NEU2: variants seen among roughly 807,000 people sequenced by gnomAD.
The protein encoded by NEU2 is sialidase-2.
NEU2 carries 7 observed loss-of-function variants against 6.3 expected under a neutral mutation model. The ratio of observed to expected loss-of-function variants is 1.12; its 90% CI spans 0.63 to 2.10. The LOEUF (loss-of-function observed/expected upper bound fraction) is 2.10. Ranked by LOEUF, NEU2 falls within the 30% of genes most tolerant of loss-of-function variation. The pLI is 0.00. For missense variants in NEU2, 509 were observed against 504.0 expected, an observed-to-expected ratio of 1.01 and a Z score of -0.09; for synonymous variants, 208 against 223.3, an observed-to-expected ratio of 0.93 and a Z score of 0.61.
In NEU2 at chr2:233,034,887, G is replaced by A; in HGVS notation, c.973G>A (p.Val325Ile). 1 of 1,614,064 alleles carries A rather than the reference G, an allele frequency of 6.2e-7. No individual in the cohort carries two copies. The highest frequency in any genetic ancestry group is 8.5e-7 in the Non-Finnish European group (1 of 1,179,978). ...PPAPEAWSEP[V>I]LLAKGSCAYS... Reference sequence around the variant, plus strand: ...AGCCCCTGAGGCCTGGTCAGAGCCGGTACTGCTGGCCAAGGGCAGCTGTGC... The same window carrying A: ...AGCCCCTGAGGCCTGGTCAGAGCCGATACTGCTGGCCAAGGGCAGCTGTGC... The change falls in exon 2 of 2, where the codon GTA becomes ATA. Residue 325 changes from valine (V) to isoleucine (I), a missense_variant. Physicochemically the swap from Val to Ile is conservative, Grantham distance 29. Transcript: ENST00000233840. The surrounding 1 kb of genome is among the most constrained non-coding windows in gnomAD (Gnocchi z 4.8).
rs751249956 is a variant in NEU2 at position 233,034,140 on chromosome 2, C to G, written c.226C>G (p.Gln76Glu). 3.7e-6 allele frequency: 6 copies of G among 1,612,752 alleles called. No homozygotes were observed. The highest frequency in any genetic ancestry group is 5.1e-6 in the Non-Finnish European group (6 of 1,179,332). Residue 76 changes from glutamine (Q) to glutamate (E), a missense_variant, in exon 2 of 2, where the codon CAG (glutamine) becomes GAG (glutamate). Physicochemically the swap from Gln to Glu is conservative, Grantham distance 29. Coordinates refer to ENST00000233840, the MANE Select transcript of NEU2 (RefSeq NM_005383.2). The surrounding 1 kb of genome is among the most constrained non-coding windows in gnomAD (Gnocchi z 4.8). The part of the protein sequence containing the change: ...VQWQAQEVVA[Q>E]ARLDGHRSMN... ...GTGGCAAGCTCAGGAGGTGGTGGCC[C>G]AGGCCCGGCTGGATGGCCACCGGTC...
At position 233,034,870 on chromosome 2, in the gene NEU2, A is replaced by C; in HGVS notation, c.956A>C (p.Glu319Ala). ...CTCAACCCGCGACCTCCAGCCCCTG[A>C]GGCCTGGTCAGAGCCGGTACTGCTG... ...AYLNPRPPAP[E>A]AWSEPVLLAK... Residue 319 changes from glutamate (E) to alanine (A), a missense_variant, in exon 2 of 2, where the codon GAG becomes GCG. Glu to Ala is a moderately radical substitution (Grantham distance 107). Coordinates refer to ENST00000233840, the MANE Select transcript of NEU2 (RefSeq NM_005383.2). The surrounding 1 kb of genome is among the most constrained non-coding windows in gnomAD (Gnocchi z 4.8). The C allele has an allele frequency of 1.2e-6, 2 of 1,613,034 alleles. No individual in the cohort carries two copies. Among genetic ancestry groups the C allele is most frequent in the Non-Finnish European group, 1.7e-6 (2 of 1,179,422 alleles).
Position 233,034,808 on chromosome 2 carries a change from C to T in NEU2, c.894C>T (p.Pro298=). 6.3e-7 allele frequency: 1 copy of T among 1,582,120 alleles called. No homozygotes were observed. The highest frequency in any genetic ancestry group is 8.6e-7 in the Non-Finnish European group (1 of 1,163,170). The part of the protein sequence containing the change: ...SPAQWLLYTH[P]THSWQRADLG... ...CCCAGTGGCTGCTCTACACTCACCCCACACACTCCTGGCAGAGGGCCGACC... is the reference window on the plus strand; with the variant it reads ...CCCAGTGGCTGCTCTACACTCACCCTACACACTCCTGGCAGAGGGCCGACC... Residue 298 remains proline, a synonymous_variant, in exon 2 of 2, where the codon CCC becomes CCT. Coordinates refer to ENST00000233840, the MANE Select transcript of NEU2 (RefSeq NM_005383.2). The surrounding 1 kb of genome is among the most constrained non-coding windows in gnomAD (Gnocchi z 4.8).
At position 233,034,218 on chromosome 2, in the gene NEU2, T is replaced by G. The variant is rs766753956; in HGVS notation, c.304T>G (p.Phe102Val). The stretch of plus-strand genomic sequence containing the variant: ...GCAGACGGGGACCCTCTTCCTCTTC[T>G]TCATTGCCATCCCTGGGCAAGTCAC... The part of the protein sequence containing the change: ...DAQTGTLFLF[F>V]IAIPGQVTEQ... The change falls in exon 2 of 2, where the codon TTC becomes GTC. Residue 102 changes from phenylalanine (F) to valine (V), a missense_variant. Physicochemically the swap from Phe to Val is conservative, Grantham distance 50 (BLOSUM62 -1). Transcript: ENST00000233840. The surrounding 1 kb of genome is among the most constrained non-coding windows in gnomAD (Gnocchi z 4.8). 126 of 1,614,056 alleles carry G rather than the reference T, an allele frequency of 7.8e-5. No homozygotes were observed. The highest frequency in any genetic ancestry group is 1.0e-4 in the Non-Finnish European group (123 of 1,180,044).
chr2:233,034,514 T>C lies in NEU2; in HGVS notation c.600T>C (p.His200=), dbSNP rs773205054. The change falls in exon 2 of 2, where the codon CAT becomes CAC. Residue 200 remains histidine, a synonymous_variant. Coordinates refer to ENST00000233840, the MANE Select transcript of NEU2 (RefSeq NM_005383.2). This position sits in a 1 kb window ranked among gnomAD's most constrained non-coding sequence, Gnocchi z 4.8. ...CCTCTGCCTTCTGCTTCCTCAGCCA[T>C]GACCATGGGCGCACGTGGGCGCGAG... ...PIPSAFCFLS[H]DHGRTWARGH... The C allele has an allele frequency of 5.0e-6, 8 of 1,614,068 alleles. No homozygotes were observed. Among genetic ancestry groups the C allele is most frequent in the Non-Finnish European group, 6.8e-6 (8 of 1,179,950 alleles).
intron 1 of NEU2, 141 bp downstream of exon 1, chr2:233,033,013 C>A: frequency 3.3e-6 from 3 of 919,408 alleles, no homozygotes; most frequent in Non-Finnish European, 4.8e-6. Context: ...AGAGATAGAG[C>A]AGAGAAAGTG....
chr2:233,033,162 G>A (rs1007925119), intron 1 of NEU2, among the ~76,000 whole-genome samples: 3 of 152,212 alleles, frequency 2.0e-5, no homozygotes, highest in Non-Finnish European at 4.4e-5. Flanking sequence ...GCATAATGGA[G>A]GGTTGTGTCC....
rs113887175 is a variant in NEU2, at chr2:233,034,369, G to A, written c.455G>A (p.Arg152Gln). The A allele has an allele frequency of 1.4e-4, 230 of 1,614,006 alleles. No individual in the cohort carries two copies. In the African/African-American group the frequency reaches 1.9e-3, roughly 13 times the overall value. ...GATGCGGCCATCGGCCCAGCCTACCGGGAGTGGTCCACCTTTGCAGTGGGC... is the reference window on the plus strand; with the variant it reads ...GATGCGGCCATCGGCCCAGCCTACCAGGAGTGGTCCACCTTTGCAGTGGGC... ...LTDAAIGPAY[R>Q]EWSTFAVGPG... Residue 152 changes from arginine (R) to glutamine (Q), a missense_variant, in exon 2 of 2, where the codon CGG becomes CAG. Transcript: ENST00000233840. The surrounding 1 kb of genome is among the most constrained non-coding windows in gnomAD (Gnocchi z 4.8).
Position 233,034,381 on chromosome 2 carries a change from C to T in NEU2, c.467C>T (p.Thr156Ile), listed in dbSNP as rs1223616662. The part of the protein sequence containing the change: ...AIGPAYREWS[T>I]FAVGPGHCLQ... The stretch of plus-strand genomic sequence containing the variant: ...GGCCCAGCCTACCGGGAGTGGTCCA[C>T]CTTTGCAGTGGGCCCGGGGCATTGT... The change falls in exon 2 of 2, where the codon ACC becomes ATC. Residue 156 changes from threonine (T) to isoleucine (I), a missense_variant. Coordinates refer to ENST00000233840, the MANE Select transcript of NEU2 (RefSeq NM_005383.2). The surrounding 1 kb of genome is among the most constrained non-coding windows in gnomAD (Gnocchi z 4.8). 4 of 1,613,770 alleles carry T rather than the reference C, an allele frequency of 2.5e-6. No individual in the cohort carries two copies. The East Asian group carries it at 8.9e-5, about 36-fold the overall frequency.
intron 1 of NEU2, among the ~76,000 whole-genome samples, chr2:233,033,435 C>T (rs1041158741): frequency 2.0e-5 from 3 of 152,212 alleles, no homozygotes; most frequent in African/African-American, 4.8e-5. Flanking sequence ...TCCTCCCTGT[C>T]GCGGTCTCTT....
Position 233,034,963 on chromosome 2 carries a change from T to C in NEU2, c.1049T>C (p.Phe350Ser). The C allele has an allele frequency of 6.2e-7, 1 of 1,614,194 alleles. No individual in the cohort carries two copies. The highest frequency in any genetic ancestry group is 1.1e-5 in the South Asian group (1 of 91,090). ...ACCGGCCCTGATGGGTCCCCCTTGT[T>C]TGGGTGTCTGTACGAAGCCAATGAT... ...MGTGPDGSPL[F>S]GCLYEANDYE... Residue 350 changes from phenylalanine to serine, a missense_variant, in exon 2 of 2, where the codon TTT (phenylalanine) becomes TCT (serine). Coordinates refer to ENST00000233840, the MANE Select transcript of NEU2 (RefSeq NM_005383.2). This position sits in a 1 kb window ranked among gnomAD's most constrained non-coding sequence, Gnocchi z 4.8.
Position 233,035,013 on chromosome 2 carries a change from T to A in NEU2, c.1099T>A (p.Phe367Ile). The A allele has an allele frequency of 6.2e-7, 1 of 1,612,700 alleles. No individual in the cohort carries two copies. The highest frequency in any genetic ancestry group is 8.5e-7 in the Non-Finnish European group (1 of 1,179,118). Residue 367 changes from phenylalanine (F) to isoleucine (I), a missense_variant, in exon 2 of 2, where the codon TTC (phenylalanine) becomes ATC (isoleucine). Physicochemically the swap from Phe to Ile is conservative, Grantham distance 21. Coordinates refer to ENST00000233840, the MANE Select transcript of NEU2 (RefSeq NM_005383.2). ...NDYEEIVFLM[F>I]TLKQAFPAEY... ...TTACGAGGAGATTGTCTTTCTCATG[T>A]TCACCCTGAAGCAAGCCTTCCCAGC...
Position 233,034,736 on chromosome 2 carries a change from G to T in NEU2, c.822G>T (p.Gly274=), listed in dbSNP as rs1267089753. ...AGCCGCCGCCCCAGGGCTGCCAGGG[G>T]AGCGTCATCAGCTTCCCCAGCCCCC... ...LVEPPPQGCQ[G]SVISFPSPRS... The change falls in exon 2 of 2, where the codon GGG becomes GGT. Residue 274 remains glycine, a synonymous_variant. Transcript: ENST00000233840. The surrounding 1 kb of genome is among the most constrained non-coding windows in gnomAD (Gnocchi z 4.8). 1 of 1,540,380 alleles carries T rather than the reference G, an allele frequency of 6.5e-7. No individual in the cohort carries two copies. Among genetic ancestry groups the T allele is most frequent in the East Asian group, 2.3e-5 (1 of 44,186 alleles).
rs1308558222 is a variant in NEU2 at position 233,032,732 on chromosome 2, A to G, written c.61A>G (p.Arg21Gly). The G allele has an allele frequency of 3.7e-6, 6 of 1,614,132 alleles. No individual in the cohort carries two copies. The highest frequency in any genetic ancestry group is 5.1e-6 in the Non-Finnish European group (6 of 1,180,050). The change falls in exon 1 of 2, where the codon AGA (arginine) becomes GGA (glycine). Residue 21 changes from arginine to glycine, a missense_variant. Coordinates refer to ENST00000233840, the MANE Select transcript of NEU2 (RefSeq NM_005383.2). Reference sequence around the variant, plus strand: ...GTTCCAGTCGGGAGCCCATGCCTACAGAATCCCTGCCCTGCTCTACCTGCC... The same window carrying G: ...GTTCCAGTCGGGAGCCCATGCCTACGGAATCCCTGCCCTGCTCTACCTGCC... ...SVFQSGAHAY[R>G]IPALLYLPGQ...
At chr2:233,033,993 T>C (rs2106359550) in intron 1 of NEU2, 123 bp from the exon 2 acceptor site, 1 of 850,664 alleles carries the variant, frequency 1.2e-6, no homozygotes, top group Non-Finnish European at 1.8e-6. Flanking sequence ...GAAGAGTTCT[T>C]CTCGATGACT....
chr2:233,034,573 A>C lies in NEU2; in HGVS notation c.659A>C (p.Gln220Pro). Reference protein sequence around the residue: ...HFVAQDTLECQVAEVETGEQR... With the variant: ...HFVAQDTLECPVAEVETGEQR... ...GTGGCCCAGGACACCCTGGAGTGCC[A>C]GGTGGCCGAAGTCGAGACTGGGGAG... The change falls in exon 2 of 2, where the codon CAG becomes CCG. Residue 220 changes from glutamine (Q) to proline (P), a missense_variant. Gln to Pro is a moderately conservative substitution (Grantham distance 76). Transcript: ENST00000233840. This position sits in a 1 kb window ranked among gnomAD's most constrained non-coding sequence, Gnocchi z 4.8. 6.2e-7 allele frequency: 1 copy of C among 1,614,064 alleles called. No homozygotes were observed. Among genetic ancestry groups the C allele is most frequent in the Non-Finnish European group, 8.5e-7 (1 of 1,179,950 alleles).
At chr2:233,033,122 G>A (rs1358861397) in intron 1 of NEU2, among the ~76,000 whole-genome samples, 1 of 152,164 alleles carries the variant, frequency 6.6e-6, no homozygotes, top group Non-Finnish European at 1.5e-5. Flanking sequence ...CAGCATCCGT[G>A]ATGACCTCAC....
Position 233,035,014 on chromosome 2 carries a change from T to C in NEU2, c.1100T>C (p.Phe367Ser), listed in dbSNP as rs1271175744. 1 of 1,612,548 alleles carries C rather than the reference T, an allele frequency of 6.2e-7. No homozygotes were observed. The highest frequency in any genetic ancestry group is 2.2e-5 in the East Asian group (1 of 44,868). Residue 367 changes from phenylalanine to serine, a missense_variant, in exon 2 of 2, where the codon TTC (phenylalanine) becomes TCC (serine). Physicochemically the swap from Phe to Ser is radical, Grantham distance 155. Coordinates refer to ENST00000233840, the MANE Select transcript of NEU2 (RefSeq NM_005383.2). ...NDYEEIVFLM[F>S]TLKQAFPAEY... ...TACGAGGAGATTGTCTTTCTCATGT[T>C]CACCCTGAAGCAAGCCTTCCCAGCT...
In NEU2 at chr2:233,035,040, G is replaced by T; in HGVS notation, c.1126G>T (p.Glu376Ter). ...MFTLKQAFPAEYLPQ is the reference protein window; with the variant it reads ...MFTLKQAFPA ...CACCCTGAAGCAAGCCTTCCCAGCT[G>T]AGTACCTGCCTCAGTGAGCCTGTGG... The change falls in exon 2 of 2, where the codon GAG becomes TAG. Residue 376 changes from glutamate to a stop codon, truncating the protein, a stop_gained. Transcript: ENST00000233840. LOFTEE classifies it high-confidence loss of function. 1.9e-6 allele frequency: 3 copies of T among 1,602,742 alleles called. No homozygotes were observed. The highest frequency in any genetic ancestry group is 2.6e-6 in the Non-Finnish European group (3 of 1,173,482).
Sources: gnomAD v4.1 joint callset for allele counts (sites outside exome capture counted in the v4.1 genomes callset) on GRCh38, gnomAD v4.1.1 for gene constraint, Gnocchi (gnomAD v3.1) non-coding constraint, MANE v1.5 for transcripts, NCBI Gene and HGNC (gene_info 2026-07-23, HGNC 2026-07-21) for gene names.